The following WNT8A variants were observed in gnomAD, a reference collection of about 807,000 sequenced individuals.
WNT8A encodes the protein protein Wnt-8a.
WNT8A carries 14 observed loss-of-function variants against 20.5 expected under a neutral mutation model. The observed-to-expected ratio is 0.68, with a 90% CI of 0.45 to 1.07. The LOEUF is 1.07. Among genes scored for constraint, WNT8A ranks in the 50% least tolerant of loss-of-function variants. WNT8A has a pLI of 0.00. For synonymous variants in WNT8A, 167 were observed against 169.2 expected, an observed-to-expected ratio of 0.99 and a Z score of 0.10; for missense variants, 397 against 462.9, an observed-to-expected ratio of 0.86 and a Z score of 1.31.
Position 138,091,070 on chromosome 5 carries a change from C to T in WNT8A, c.1107C>T (p.Ala369=), listed in dbSNP as rs1373634466. 4 of 1,607,972 alleles carry T rather than the reference C, an allele frequency of 2.5e-6. No individual in the cohort carries two copies. In the African/African-American group the frequency reaches 5.3e-5, roughly 21 times the overall value. Reference sequence around the variant, plus strand: ...CCCAGTCCCTGGGTAAGGGCAGTGCCTGATAATACCCCACACAAGTTCACT... The same window carrying T: ...CCCAGTCCCTGGGTAAGGGCAGTGCTTGATAATACCCCACACAAGTTCACT... ...GSAQSLGKGS[A] The change falls in exon 5 of 5, where the codon GCC becomes GCT. Residue 369 remains alanine, a synonymous_variant. Transcript: ENST00000506684.
downstream of WNT8A, among the ~76,000 whole-genome samples, chr5:138,091,933 A>C (rs1250067194): frequency 6.6e-6 from 1 of 151,484 alleles, no homozygotes; most frequent in Non-Finnish European, 1.5e-5. Context: ...ACCAGCACCC[A>C]GTATAACCTG....
chr5:138,089,635 G>T (rs978369597), intron 4 of WNT8A, among the ~76,000 whole-genome samples: 2 of 152,154 alleles, frequency 1.3e-5, no homozygotes, highest in African/African-American at 4.8e-5. Flanking sequence ...TATCCTGGTT[G>T]CCCAGGGAAA....
At chr5:138,084,681 A>C in intron 2 of WNT8A, 45 bp downstream of exon 2, 1 of 1,557,434 alleles carries the variant, frequency 6.4e-7, no homozygotes, top group Non-Finnish European at 8.7e-7. Flanking sequence ...ATATATGTGA[A>C]TGGAGTGGGG....
rs1284521389 is a variant in WNT8A at position 138,088,976 on chromosome 5, G to A, written c.471G>A (p.Gly157=). 6.2e-7 allele frequency: 1 copy of A among 1,613,946 alleles called. No individual in the cohort carries two copies. The highest frequency in any genetic ancestry group is 8.5e-7 in the Non-Finnish European group (1 of 1,179,968). ...GCTGCAGCGACAATGTGGAATTTGG[G>A]GAAAGGATCTCCAAACTCTTTGTGG... The part of the protein sequence containing the change: ...WGGCSDNVEF[G]ERISKLFVDS... The change falls in exon 4 of 5, where the codon GGG becomes GGA. Residue 157 remains glycine, a synonymous_variant. Coordinates refer to ENST00000506684, the MANE Select transcript of WNT8A (RefSeq NM_001300939.2).
chr5:138,091,254 G>T lies in WNT8A; in HGVS notation c.*181G>T, dbSNP rs1258394110. 3 of 1,571,414 alleles carry T rather than the reference G, an allele frequency of 1.9e-6. No individual in the cohort carries two copies. Among genetic ancestry groups the T allele is most frequent in the Non-Finnish European group, 2.6e-6 (3 of 1,166,614 alleles). On this transcript the variant is annotated 3_prime_UTR_variant, in exon 5 of 5. Transcript: ENST00000506684. ...GATTCTACAGCATATTCCTGGCGGG[G>T]CTGAAATTGGAACCTGGGCCTCCTG...
chr5:138,082,920 T>TAAATAAATAAAA (rs1554086968), upstream of WNT8A, among the ~76,000 whole-genome samples: 1 of 129,682 alleles, frequency 7.7e-6, no homozygotes, highest in South Asian at 2.5e-4. Context: ...AATAAATAAA[T>TAAATAAATAAAA]AAAATAAAAT....
chr5:138,081,153 G>C (rs1009580998), upstream of WNT8A, among the ~76,000 whole-genome samples: 1 of 151,664 alleles, frequency 6.6e-6, no homozygotes, highest in Admixed American at 6.6e-5. Context: ...GTGAACAAGG[G>C]AGGCGGAGCT....
At position 138,089,068 on chromosome 5, in the gene WNT8A, T is replaced by G; in HGVS notation, c.563T>G (p.Leu188Arg). The change falls in exon 4 of 5, where the codon CTG (leucine) becomes CGG (arginine). Residue 188 changes from leucine to arginine, a missense_variant and splice_region_variant. Transcript: ENST00000506684. ...CTTCACAACAACAGGGCCGGCAGAC[T>G]GGTGGGTATAGGCATTGTGGCCAGT... ...MNLHNNRAGR[L>R]AVRATMKRTC... is the part of the protein sequence containing the mutation. 6.2e-7 allele frequency: 1 copy of G among 1,613,038 alleles called. No homozygotes were observed. The highest frequency in any genetic ancestry group is 2.2e-5 in the East Asian group (1 of 44,872).
upstream of WNT8A, among the ~76,000 whole-genome samples, chr5:138,080,444 G>GTTTTTTTGTTTTTT (rs750585385): frequency 2.7e-4 from 15 of 55,970 alleles, no homozygotes; most frequent in Non-Finnish European, 3.6e-4. Context: ...TGTAAATCTT[G>GTTTTTTTGTTTTTT]TTTTTTTTTT....
chr5:138,079,097 A>C (rs1169209300), upstream of WNT8A, among the ~76,000 whole-genome samples: 3 of 151,966 alleles, frequency 2.0e-5, no homozygotes, highest in African/African-American at 7.2e-5. Flanking sequence ...CCTGCACATC[A>C]CTGAAACAAT....
intron 2 of WNT8A, 30 bp downstream of exon 2, chr5:138,084,666 G>A (rs200638080): frequency 6.3e-7 from 1 of 1,584,000 alleles, no homozygotes; most frequent in South Asian, 1.2e-5. Context: ...ACCTGTACAA[G>A]GGGTATATAT....
upstream of WNT8A, among the ~76,000 whole-genome samples, chr5:138,083,600 G>GT (rs1750563633): frequency 6.6e-6 from 1 of 152,156 alleles, no homozygotes; most frequent in African/African-American, 2.4e-5. Context: ...CCCAGATGGA[G>GT]TTGCTTTATG....
upstream of WNT8A, among the ~76,000 whole-genome samples, chr5:138,079,916 A>AC (rs1750460382): frequency 6.6e-6 from 1 of 152,202 alleles, no homozygotes; most frequent in Admixed American, 6.5e-5. Context: ...TCAGTCCAGC[A>AC]CAGGGGTCTT....
chr5:138,080,451 T>TGTTTTTTTG (rs772460841), upstream of WNT8A, among the ~76,000 whole-genome samples: 86 of 93,700 alleles, frequency 9.2e-4, 1 homozygote, highest in East Asian at 3.3e-3. Context: ...CTTGTTTTTT[T>TGTTTTTTTG]TTTTTTTTTT....
At position 138,084,493 on chromosome 5, in the gene WNT8A, G is replaced by T; in HGVS notation, c.157-5G>T. On this transcript the variant is annotated splice_polypyrimidine_tract_variant and splice_region_variant and intron_variant, in intron 1 of 4. Transcript: ENST00000506684. ...AGAAGCTCACAGCCCTTTTCCCTTT[G>T]CCAGGCCTATCTGACCTACACGACT... The T allele has an allele frequency of 5.6e-6, 9 of 1,597,412 alleles. No individual in the cohort carries two copies. The highest frequency in any genetic ancestry group is 7.7e-6 in the Non-Finnish European group (9 of 1,170,974).
At position 138,087,670 on chromosome 5, in the gene WNT8A, A is replaced by G. The variant is rs1192557746; in HGVS notation, c.296-136A>G. On this transcript the variant is annotated intron_variant, in intron 2 of 4. Coordinates refer to ENST00000506684, the MANE Select transcript of WNT8A (RefSeq NM_001300939.2). The stretch of plus-strand genomic sequence containing the variant: ...GTCTCAAAAAAAAAAAAAAAAAAAA[A>G]AAAAGAAAGAAAAGCATCCTCTTAA... 1.5e-5 allele frequency: 13 copies of G among 863,962 alleles called. No individual in the cohort carries two copies. The African/African-American group carries it at 1.6e-4, about 10-fold the overall frequency. The allele number at this position is 863,962 out of a possible 1,614,324, so 53.5% of individuals were successfully genotyped here.
At chr5:138,091,828 AAAATAAATAAATAAATAAATAAAT>A (rs200860443), downstream of WNT8A, among the ~76,000 whole-genome samples, 2 of 134,950 alleles carry the variant, frequency 1.5e-5, no homozygotes, top group African/African-American at 5.2e-5. Context: ...CCCTGACTAA[AAAATAAATAAATAAATAAATAAAT>A]AAATAAATAA....
At chr5:138,083,902 C>CCCAG (rs1561573603), upstream of WNT8A, 3 of 535,718 alleles carry the variant, frequency 5.6e-6, no homozygotes, top group Non-Finnish European at 9.5e-6. Flanking sequence ...AGTCCCTCCT[C>CCCAG]CCAGATCCCC....
In WNT8A at chr5:138,087,859, A is replaced by G. The variant is rs768106294; in HGVS notation, c.349A>G (p.Ile117Val). 2 of 1,614,092 alleles carry G rather than the reference A, an allele frequency of 1.2e-6. No individual in the cohort carries two copies. The highest frequency in any genetic ancestry group is 1.1e-5 in the South Asian group (1 of 91,082). ...HAISSAGVMY[I>V]ITKNCSMGDF... ...TATCAGCTCTGCTGGAGTCATGTAC[A>G]TCATCACCAAGAACTGTAGCATGGG... Residue 117 changes from isoleucine (I) to valine (V), a missense_variant, in exon 3 of 5, where the codon ATC becomes GTC. Physicochemically the swap from Ile to Val is conservative, Grantham distance 29 (BLOSUM62 3). Coordinates refer to ENST00000506684, the MANE Select transcript of WNT8A (RefSeq NM_001300939.2).
Sources: allele counts gnomAD v4.1 joint callset (sites outside exome capture counted in the v4.1 genomes callset), GRCh38; gene constraint gnomAD v4.1.1; transcripts MANE v1.5; gene names NCBI Gene and HGNC (gene_info 2026-07-23, HGNC 2026-07-21).